ARHGAP25: variants seen among roughly 807,000 people sequenced by gnomAD.
ARHGAP25 encodes the protein Rho GTPase activating protein 25, also known as rho GTPase-activating protein 25.
In ARHGAP25, 34 loss-of-function variants were observed where a neutral mutation model predicts 71.0. The ratio of observed to expected loss-of-function variants is 0.48; its 90% CI spans 0.36 to 0.64. ARHGAP25 has a LOEUF of 0.64. Ranked by LOEUF, ARHGAP25 falls within the 30% of genes least tolerant of loss-of-function variation. ARHGAP25 has a pLI of 0.00. For missense variants in ARHGAP25, 706 were observed against 805.1 expected (o/e 0.88, Z 1.49); for synonymous variants, 282 against 296.5 (o/e 0.95, Z 0.50).
intron 2 of ARHGAP25, among the ~76,000 whole-genome samples, chr2:68,718,588 T>C (rs1054232129): frequency 1.3e-5 from 2 of 150,276 alleles, no homozygotes; most frequent in African/African-American, 5.0e-5. Flanking sequence ...CCTAGACAGA[T>C]AGATAGGTAC....
intron 2 of ARHGAP25, chr2:68,775,844 CAG>C (rs1677857857): frequency 2.8e-6 from 1 of 360,926 alleles, no homozygotes; most frequent in South Asian, 2.1e-5. Context: ...ATGAGCAAAA[CAG>C]ATAAAAATCT....
chr2:68,811,659 G>GA (rs11432028), intron 5 of ARHGAP25, among the ~76,000 whole-genome samples: 142,101 of 152,142 alleles, frequency 0.93, 66,405 homozygotes, highest in East Asian at 0.99. Flanking sequence ...AGCCTTTTCA[G>GA]AGACAGCTAC....
intron 2 of ARHGAP25, among the ~76,000 whole-genome samples, chr2:68,721,442 C>T (rs751786629): frequency 6.6e-6 from 1 of 152,200 alleles, no homozygotes; most frequent in Non-Finnish European, 1.5e-5. Flanking sequence ...GCCCTATTTA[C>T]ATACAAAGTC....
At chr2:68,735,511 A>G (rs1224192950) in intron 1 of ARHGAP25, 3 of 580,752 alleles carry the variant, frequency 5.2e-6, no homozygotes, top group Non-Finnish European at 9.2e-6. Flanking sequence ...ACTTCGGATG[A>G]TTTAAGGCTA....
Position 68,739,658 on chromosome 2 carries a change from C to A in ARHGAP25, c.61+4398C>A, listed in dbSNP as rs537873527. Among the ~76,000 whole-genome samples the A allele has an allele frequency of 3.3e-5, 5 of 152,252 alleles. No individual in the cohort carries two copies. The East Asian group carries it at 9.7e-4, about 29-fold the overall frequency. ...AGGGAGTGAAGAGCAGAAGCAAAGT[C>A]CCACTGGTGGCCACAGCAATTGAGA... On this transcript the variant is annotated intron_variant, in intron 1 of 10. Transcript: ENST00000409202.
intron 2 of ARHGAP25, among the ~76,000 whole-genome samples, chr2:68,726,100 C>T (rs1465022171): frequency 2.0e-5 from 3 of 152,140 alleles, no homozygotes; most frequent in African/African-American, 7.2e-5. Flanking sequence ...ACATTTATTT[C>T]ACTTATTTAT....
At chr2:68,795,461 T>A (rs1293463750) in intron 4 of ARHGAP25, among the ~76,000 whole-genome samples, 1 of 152,164 alleles carries the variant, frequency 6.6e-6, no homozygotes, top group Non-Finnish European at 1.5e-5. Context: ...TTTTGGTATG[T>A]TTTTGTATTT....
At chr2:68,733,394 A>T (rs1675077577), upstream of ARHGAP25, among the ~76,000 whole-genome samples, 1 of 152,158 alleles carries the variant, frequency 6.6e-6, no homozygotes, top group Non-Finnish European at 1.5e-5. Context: ...ATAAGAGGAG[A>T]GATATTTGCA....
upstream of ARHGAP25, among the ~76,000 whole-genome samples, chr2:68,730,021 T>G (rs1674978624): frequency 6.6e-6 from 1 of 152,238 alleles, no homozygotes; most frequent in African/African-American, 2.4e-5. Context: ...TCTCATCATA[T>G]AATTAAAAAT....
At chr2:68,775,469 C>A (rs773160294) in intron 2 of ARHGAP25, 49 bp downstream of exon 2, 3 of 1,611,602 alleles carry the variant, frequency 1.9e-6, no homozygotes, top group Non-Finnish European at 2.5e-6. Flanking sequence ...AGGAGGCGGG[C>A]CTGGAGCCCG....
intron 5 of ARHGAP25, among the ~76,000 whole-genome samples, chr2:68,810,569 G>C (rs1030940000): frequency 2.0e-5 from 3 of 152,046 alleles, no homozygotes; most frequent in Admixed American, 1.3e-4. Flanking sequence ...TTATAACTTT[G>C]AAGTATCCAT....
chr2:68,799,907 C>A (rs1177801002), intron 4 of ARHGAP25, among the ~76,000 whole-genome samples: 1 of 152,088 alleles, frequency 6.6e-6, no homozygotes, highest in African/African-American at 2.4e-5. Flanking sequence ...GCTGGCTCAT[C>A]GGAGGCGTGA....
In ARHGAP25 at chr2:68,817,972, A is replaced by G. The variant is rs1681352794; in HGVS notation, c.981A>G (p.Glu327=). 6.2e-7 allele frequency: 1 copy of G among 1,614,066 alleles called. No individual in the cohort carries two copies. Among genetic ancestry groups the G allele is most frequent in the African/African-American group, 1.3e-5 (1 of 74,940 alleles). The change falls in exon 8 of 11, where the codon GAA becomes GAG. Residue 327 remains glutamate, a synonymous_variant. Coordinates refer to ENST00000409202, the MANE Select transcript of ARHGAP25 (RefSeq NM_001007231.3). ...IGVNLIRSKV[E]DPAVIMRGTP... Reference sequence around the variant, plus strand: ...TGAATCTCATCAGGTCGAAGGTCGAAGACCCTGCCGTGATCATGAGAGGTA... The same window carrying G: ...TGAATCTCATCAGGTCGAAGGTCGAGGACCCTGCCGTGATCATGAGAGGTA...
chr2:68,808,246 T>C (rs1680522731), intron 5 of ARHGAP25, among the ~76,000 whole-genome samples: 1 of 152,254 alleles, frequency 6.6e-6, no homozygotes, highest in South Asian at 2.1e-4. Flanking sequence ...TTGACTGCTC[T>C]TTCCAAATTA....
intron 2 of ARHGAP25, among the ~76,000 whole-genome samples, chr2:68,728,893 A>G (rs951203164): frequency 3.3e-5 from 5 of 152,242 alleles, no homozygotes; most frequent in Admixed American, 3.3e-4. Flanking sequence ...TGATCTATCC[A>G]CACAATGGAA....
chr2:68,776,382 G>A (rs1677922252), intron 2 of ARHGAP25, among the ~76,000 whole-genome samples: 1 of 152,212 alleles, frequency 6.6e-6, no homozygotes, highest in Admixed American at 6.5e-5. Context: ...ATTGTAAAAA[G>A]ACAGCTGTGG....
chr2:68,748,082 A>G (rs190417094), intron 1 of ARHGAP25, among the ~76,000 whole-genome samples: 8 of 152,300 alleles, frequency 5.3e-5, no homozygotes, highest in Admixed American at 5.2e-4. Context: ...CTCATGATCT[A>G]TGCCCGTGGG....
chr2:68,776,298 C>A (rs1295739268), intron 2 of ARHGAP25, among the ~76,000 whole-genome samples: 1 of 151,982 alleles, frequency 6.6e-6, no homozygotes, highest in African/African-American at 2.4e-5. Flanking sequence ...ACTGTAAGGA[C>A]CTGAGCATTC....
At position 68,748,420 on chromosome 2, in the gene ARHGAP25, T is replaced by C. The variant is rs1240196536; in HGVS notation, c.61+13160T>C. Among the ~76,000 whole-genome samples the C allele has an allele frequency of 2.0e-5, 3 of 152,272 alleles. No individual in the cohort carries two copies. The East Asian group carries it at 5.8e-4, about 29-fold the overall frequency. On this transcript the variant is annotated intron_variant, in intron 1 of 10. Coordinates refer to ENST00000409202, the MANE Select transcript of ARHGAP25 (RefSeq NM_001007231.3). ...CATTTTTTCTTTATACTGTTATTTG[T>C]GCCTGAAACGATCTCATTCCTTTGC...
Sources: gnomAD v4.1 joint callset for allele counts (sites outside exome capture counted in the v4.1 genomes callset) on GRCh38, gnomAD v4.1.1 for gene constraint, MANE v1.5 for transcripts, NCBI Gene and HGNC (gene_info 2026-07-23, HGNC 2026-07-21) for gene names.